The following ANKFN1 variants were observed in gnomAD, a reference collection of about 807,000 sequenced individuals.
ANKFN1 encodes the protein ankyrin repeat and fibronectin type-III domain-containing protein 1.
A neutral mutation model predicts 108.7 loss-of-function variants in ANKFN1; 74 were observed. That is an observed-to-expected ratio of 0.68 (90% CI 0.56 to 0.83). The LOEUF is 0.83. ANKFN1 is among the 40% of genes least tolerant of loss of function. The probability of loss-of-function intolerance (pLI) is 0.00; values close to 1 mark genes in which losing one functional copy is unlikely to be tolerated. For synonymous variants in ANKFN1, 547 were observed against 516.2 expected (o/e 1.06, Z -0.81); for missense variants, 1,505 against 1,382.3 (o/e 1.09, Z -1.41).
Position 56,511,117 on chromosome 17 carries a change from G to A in ANKFN1, c.3289G>A (p.Ala1097Thr), listed in dbSNP as rs1411090856. Residue 1097 changes from alanine to threonine, a missense_variant, in exon 21 of 21, where the codon GCG becomes ACG. Ala to Thr is a moderately conservative substitution (Grantham distance 58). Transcript: ENST00000682825. ...CCGCCTCTACGTGGAGCCCTACGCA[G>A]CGGCCGTGGTGGCCCAGGACGAAAA... is the stretch of plus-strand genomic sequence containing the variant. Reference protein sequence around the residue: ...VRRLYVEPYAAAVVAQDEKPW... With the variant: ...VRRLYVEPYATAVVAQDEKPW... 5.2e-6 allele frequency: 8 copies of A among 1,535,886 alleles called. No individual in the cohort carries two copies. Among genetic ancestry groups the A allele is most frequent in the Non-Finnish European group, 7.0e-6 (8 of 1,146,860 alleles).
intron 1 of ANKFN1, among the ~76,000 whole-genome samples, chr17:56,188,707 T>A (rs997210355): frequency 6.7e-6 from 1 of 150,220 alleles, no homozygotes; most frequent in African/African-American, 2.5e-5. Flanking sequence ...ATTAGAATCA[T>A]CTTTTGTGCT....
chr17:56,275,076 C>T (rs757376831), intron 3 of ANKFN1, among the ~76,000 whole-genome samples: 1 of 152,134 alleles, frequency 6.6e-6, no homozygotes, highest in East Asian at 1.9e-4. Context: ...TGGGACCCAA[C>T]GCCCCACCAC....
intron 3 of ANKFN1, among the ~76,000 whole-genome samples, chr17:56,291,825 C>A (rs1281150609): frequency 6.6e-6 from 1 of 152,190 alleles, no homozygotes; most frequent in Non-Finnish European, 1.5e-5. Flanking sequence ...TCTAAAGTAT[C>A]TTTTTAGCAC....
intron 3 of ANKFN1, among the ~76,000 whole-genome samples, chr17:56,283,535 A>ATATATATATG (rs1247439427): frequency 6.7e-6 from 1 of 150,088 alleles, no homozygotes; most frequent in African/African-American, 2.5e-5. Flanking sequence ...ATATATATAT[A>ATATATATATG]TATGATGGAA....
chr17:56,343,904 A>G (rs2046027952), intron 4 of ANKFN1, among the ~76,000 whole-genome samples: 1 of 151,818 alleles, frequency 6.6e-6, no homozygotes, highest in Non-Finnish European at 1.5e-5. Flanking sequence ...ATTTCTATTT[A>G]GTTCTTGATT....
intron 4 of ANKFN1, among the ~76,000 whole-genome samples, chr17:56,146,844 T>C (rs1908291652): frequency 6.6e-6 from 1 of 152,244 alleles, no homozygotes; most frequent in Admixed American, 6.5e-5. Flanking sequence ...TCCTTGTTAG[T>C]TATGCAAATT....
chr17:56,488,110 A>T (rs1161213375), intron 18 of ANKFN1, among the ~76,000 whole-genome samples: 1 of 152,228 alleles, frequency 6.6e-6, no homozygotes, highest in African/African-American at 2.4e-5. Flanking sequence ...ATGTGGTCTT[A>T]TTAGATTTTG....
chr17:56,140,213 T>G (rs1425836673), intron 4 of ANKFN1, among the ~76,000 whole-genome samples: 1 of 152,248 alleles, frequency 6.6e-6, no homozygotes, highest in Non-Finnish European at 1.5e-5. Context: ...GAGAAGGCAC[T>G]GACTTTCCAT....
chr17:56,106,415 A>G (rs1905752235), intron 4 of ANKFN1, among the ~76,000 whole-genome samples: 1 of 152,240 alleles, frequency 6.6e-6, no homozygotes, highest in African/African-American at 2.4e-5. Flanking sequence ...AAAGGTAAGC[A>G]TGGACCTCAG....
rs745938742 is a variant in ANKFN1 at position 56,374,664 on chromosome 17, G to T, written c.860G>T (p.Ser287Ile). The change falls in exon 8 of 21, where the codon AGC (serine) becomes ATC (isoleucine). Residue 287 changes from serine to isoleucine, a missense_variant. By Grantham distance (142) the Ser-to-Ile change is moderately radical (BLOSUM62 -2). Transcript: ENST00000682825. ...ACCAGCAGCACATCACTCACTGTCA[G>T]CTTCCAAGAGCCTCTTAGCGTCAAT... ...MVTSSTSLTV[S>I]FQEPLSVNAA... 6.2e-7 allele frequency: 1 copy of T among 1,613,962 alleles called. No homozygotes were observed. The highest frequency in any genetic ancestry group is 8.5e-7 in the Non-Finnish European group (1 of 1,179,858).
intron 8 of ANKFN1, among the ~76,000 whole-genome samples, chr17:56,416,335 G>A (rs956830913): frequency 1.3e-5 from 2 of 151,936 alleles, no homozygotes; most frequent in African/African-American, 4.8e-5. Flanking sequence ...AATATATAAG[G>A]AACTCAAACA....
chr17:56,190,059 C>A (rs190938099), intron 1 of ANKFN1, among the ~76,000 whole-genome samples: 1 of 147,284 alleles, frequency 6.8e-6, no homozygotes, highest in Non-Finnish European at 1.5e-5. Flanking sequence ...GTGGTGATAT[C>A]CCCTTTATCA....
At position 56,333,911 on chromosome 17, in the gene ANKFN1, G is replaced by T. The variant is rs527508686; in HGVS notation, c.188+7556G>T. Among the ~76,000 whole-genome samples the T allele has an allele frequency of 8.5e-5, 13 of 152,212 alleles. No individual in the cohort carries two copies. In the East Asian group the frequency reaches 2.3e-3, roughly 27 times the overall value. The stretch of plus-strand genomic sequence containing the variant: ...CCTGGTCCTATAGCCAAGTTGTAGA[G>T]ACCAGCCCACCTTTGACCAACCGTG... On this transcript the variant is annotated intron_variant, in intron 4 of 20. Coordinates refer to ENST00000682825, the MANE Select transcript of ANKFN1 (RefSeq NM_001370326.1).
chr17:56,061,214 T>C (rs1280879978), intron 4 of ANKFN1, among the ~76,000 whole-genome samples: 1 of 151,894 alleles, frequency 6.6e-6, no homozygotes, highest in East Asian at 1.9e-4. Flanking sequence ...TTCTAGTTTA[T>C]TTGCATAGAG....
At chr17:56,207,608 G>A (rs1914643000) in intron 1 of ANKFN1, among the ~76,000 whole-genome samples, 1 of 152,084 alleles carries the variant, frequency 6.6e-6, no homozygotes, top group South Asian at 2.1e-4. Context: ...TGCCTCTGCT[G>A]TTTCATTTGT....
chr17:56,078,610 T>C (rs900174017), intron 4 of ANKFN1, among the ~76,000 whole-genome samples: 23 of 152,226 alleles, frequency 1.5e-4, no homozygotes, highest in Non-Finnish European at 3.4e-4. Context: ...AATGCAGAAC[T>C]CCAGAAATGC....
chr17:56,237,100 G>A (rs1436083747), intron 3 of ANKFN1, among the ~76,000 whole-genome samples: 1 of 152,170 alleles, frequency 6.6e-6, no homozygotes, highest in African/African-American at 2.4e-5. Flanking sequence ...TTGCATACCA[G>A]GGATGAAGCC....
At chr17:56,162,429 T>C (rs1272534177) in intron 1 of ANKFN1, among the ~76,000 whole-genome samples, 1 of 152,198 alleles carries the variant, frequency 6.6e-6, no homozygotes, top group Non-Finnish European at 1.5e-5. Context: ...TTCTGGCTTA[T>C]AGATGGCCAT....
intron 15 of ANKFN1, among the ~76,000 whole-genome samples, chr17:56,468,330 C>A (rs987739153): frequency 6.6e-6 from 1 of 152,142 alleles, no homozygotes. Flanking sequence ...AATTGGGACA[C>A]CAACCCATGT....
Sources: allele counts gnomAD v4.1 joint callset (sites outside exome capture counted in the v4.1 genomes callset), GRCh38; gene constraint gnomAD v4.1.1; transcripts MANE v1.5; gene names NCBI Gene and HGNC (gene_info 2026-07-23, HGNC 2026-07-21).